CREBL2: variants seen among roughly 807,000 people sequenced by gnomAD.
CREBL2 encodes cAMP responsive element binding protein like 2, also known as cAMP-responsive element-binding protein-like 2.
A neutral mutation model predicts 19.5 loss-of-function variants in CREBL2; 4 were observed. That is an observed-to-expected ratio of 0.20 (90% confidence interval 0.10 to 0.47). CREBL2 has a LOEUF of 0.47. CREBL2 is among the 20% of genes least tolerant of loss of function. The pLI, the probability that CREBL2 is intolerant of heterozygous loss-of-function variation, is 0.98. For missense variants in CREBL2, 85 were observed against 145.1 expected, an observed-to-expected ratio of 0.59 and a Z score of 2.13; for synonymous variants, 42 against 46.6, an observed-to-expected ratio of 0.90 and a Z score of 0.40.
At chr12:12,615,681 C>G (rs1236313153) in intron 1 of CREBL2, 2 of 151,748 alleles carry the variant, frequency 1.3e-5, no homozygotes, top group Admixed American at 6.6e-5. Flanking sequence ...TTTAGTAGAG[C>G]TGGGGCTTCA....
Position 12,612,136 on chromosome 12 carries a change from G to A in CREBL2, c.-37G>A. ...CCGGCTGAGCCGGGGGAGGGCTCCG[G>A]GAGGGAGTGCCTGGCCAGGCCGGCC... On this transcript the variant is annotated 5_prime_UTR_variant, in exon 1 of 4. Coordinates refer to ENST00000228865, the MANE Select transcript of CREBL2 (RefSeq NM_001310.4). 2.5e-6 allele frequency: 4 copies of A among 1,609,810 alleles called. No individual in the cohort carries two copies. Among genetic ancestry groups the A allele is most frequent in the Non-Finnish European group, 3.4e-6 (4 of 1,179,756 alleles).
At chr12:12,625,041 C>G (rs1323500203) in intron 1 of CREBL2, among the ~76,000 whole-genome samples, 1 of 152,080 alleles carries the variant, frequency 6.6e-6, no homozygotes, top group Non-Finnish European at 1.5e-5. Context: ...CAAGCCACTT[C>G]TCTCTGACAT....
chr12:12,627,160 A>G (rs1192571029), intron 1 of CREBL2, among the ~76,000 whole-genome samples: 11 of 152,188 alleles, frequency 7.2e-5, no homozygotes. Flanking sequence ...AGTGAACTCT[A>G]ATGTAAACTG....
intron 1 of CREBL2, 89 bp downstream of exon 1, chr12:12,612,276 C>T: frequency 6.2e-7 from 1 of 1,605,926 alleles, no homozygotes; most frequent in African/African-American, 1.3e-5. Flanking sequence ...TCCACGCCAA[C>T]ACCCAAGAGA....
At chr12:12,631,880 T>A (rs1945444586) in intron 1 of CREBL2, among the ~76,000 whole-genome samples, 1 of 152,104 alleles carries the variant, frequency 6.6e-6, no homozygotes, top group Non-Finnish European at 1.5e-5. Flanking sequence ...TAGCTAAGAT[T>A]TACAATAATC....
chr12:12,630,043 A>T (rs939702929), intron 1 of CREBL2, among the ~76,000 whole-genome samples: 1 of 152,144 alleles, frequency 6.6e-6, no homozygotes, highest in Non-Finnish European at 1.5e-5. Context: ...ATATAAATTC[A>T]CAAGACCATA....
Position 12,612,004 on chromosome 12 carries a change from G to A in CREBL2, c.-169G>A. On this transcript the variant is annotated 5_prime_UTR_variant, in exon 1 of 4. Transcript: ENST00000228865. ...GGTCCGCTCTGCCATTCCTGAACTG[G>A]TCCCTCGTCCCCGTGACTCTGGCAT... 1.3e-6 allele frequency: 1 copy of A among 790,020 alleles called. No homozygotes were observed. The highest frequency in any genetic ancestry group is 1.7e-5 in the South Asian group (1 of 60,244). The allele number at this position is 790,020 out of a possible 1,614,324, so 48.9% of individuals were successfully genotyped here.
chr12:12,641,302 C>T (rs1327504066), intron 3 of CREBL2, among the ~76,000 whole-genome samples: 2 of 111,042 alleles, frequency 1.8e-5, no homozygotes, highest in Admixed American at 2.1e-4. Flanking sequence ...GAGCACAGAA[C>T]AATGTTTCAA....
At chr12:12,635,370 A>G (rs1184067890) in intron 1 of CREBL2, among the ~76,000 whole-genome samples, 3 of 132,358 alleles carry the variant, frequency 2.3e-5, no homozygotes, top group Non-Finnish European at 4.7e-5. Flanking sequence ...CCCTGTCTGG[A>G]AAAAAAAAAA....
At chr12:12,623,659 G>T (rs1252353592) in intron 1 of CREBL2, among the ~76,000 whole-genome samples, 1 of 152,134 alleles carries the variant, frequency 6.6e-6, no homozygotes, top group Non-Finnish European at 1.5e-5. Context: ...GGCTTTTTGT[G>T]GGAATCCTGG....
At chr12:12,613,981 CT>C (rs1260079356) in intron 1 of CREBL2, among the ~76,000 whole-genome samples, 2 of 93,374 alleles carry the variant, frequency 2.1e-5, no homozygotes, top group African/African-American at 7.9e-5. Flanking sequence ...TTTCTTTTTT[CT>C]TTTTTTTCTT....
intron 1 of CREBL2, among the ~76,000 whole-genome samples, chr12:12,621,815 G>T (rs1945362253): frequency 6.6e-6 from 1 of 152,200 alleles, no homozygotes. Context: ...GTGTAATGAG[G>T]TTTGAAAACC....
At chr12:12,640,888 C>T (rs1945511896) in intron 3 of CREBL2, among the ~76,000 whole-genome samples, 1 of 151,938 alleles carries the variant, frequency 6.6e-6, no homozygotes, top group African/African-American at 2.4e-5. Flanking sequence ...TGGTGAAGTC[C>T]AATTTATCTA....
At chr12:12,640,215 C>T (rs1161187609) in intron 3 of CREBL2, among the ~76,000 whole-genome samples, 2 of 152,184 alleles carry the variant, frequency 1.3e-5, no homozygotes, top group Admixed American at 1.3e-4. Context: ...GGGCGTATCT[C>T]AGTCCTTATC....
chr12:12,620,533 T>C lies in CREBL2; in HGVS notation c.15+8346T>C, dbSNP rs536788412. ...ACATGAGCCACCATGCCCGGCCGCC[T>C]TCCTTTCTTGTCTAGGTTACATGCA... On this transcript the variant is annotated intron_variant, in intron 1 of 3. Transcript: ENST00000228865. 2.6e-5 allele frequency among the ~76,000 whole-genome samples: 4 copies of C among 152,310 alleles called. No homozygotes were observed. The South Asian group carries it at 8.3e-4, about 32-fold the overall frequency.
intron 1 of CREBL2, among the ~76,000 whole-genome samples, chr12:12,631,980 A>G (rs930723430): frequency 6.6e-6 from 1 of 151,786 alleles, no homozygotes; most frequent in Non-Finnish European, 1.5e-5. Flanking sequence ...AAGTTAAGCT[A>G]GAGAAGTGGT....
intron 1 of CREBL2, among the ~76,000 whole-genome samples, chr12:12,617,136 T>G (rs185795184): frequency 6.6e-6 from 1 of 152,324 alleles, no homozygotes; most frequent in East Asian, 1.9e-4. Context: ...CTCCCAAGTT[T>G]CTAGCAGTGT....
intron 2 of CREBL2, among the ~76,000 whole-genome samples, chr12:12,637,003 T>C (rs1945480105): frequency 6.6e-6 from 1 of 152,162 alleles, no homozygotes; most frequent in Non-Finnish European, 1.5e-5. Context: ...ATTCAGTAGA[T>C]TTTTTTGATA....
intron 2 of CREBL2, among the ~76,000 whole-genome samples, chr12:12,636,929 A>C (rs1343218190): frequency 2.0e-5 from 3 of 152,234 alleles, no homozygotes; most frequent in Non-Finnish European, 2.9e-5. Flanking sequence ...AAGTAAGACA[A>C]CAAGGTTGGA....
Sources: allele counts gnomAD v4.1 joint callset (sites outside exome capture counted in the v4.1 genomes callset), GRCh38; gene constraint gnomAD v4.1.1; transcripts MANE v1.5; gene names NCBI Gene and HGNC (gene_info 2026-07-23, HGNC 2026-07-21).